Variants in CDH18 observed in about 807,000 individuals in gnomAD.
CDH18 encodes the protein cadherin-18.
In CDH18, 31 loss-of-function variants were observed where a neutral mutation model predicts 67.9. The ratio of observed to expected loss-of-function variants is 0.46; its 90% CI spans 0.34 to 0.62. The LOEUF (loss-of-function observed/expected upper bound fraction) is 0.62. Ranked by LOEUF, CDH18 falls within the 20% of genes least tolerant of loss-of-function variation. The pLI is 0.01. For missense variants in CDH18, 890 were observed against 975.5 expected (o/e 0.91, Z 1.17); for synonymous variants, 362 against 347.2 (o/e 1.04, Z -0.48).
rs183242912 is a variant in CDH18, at chr5:19,700,574, T to C, written c.643+20773A>G. Among the ~76,000 whole-genome samples the C allele has an allele frequency of 1.7e-3, 255 of 152,310 alleles. 1 individual carries two copies. The highest frequency in any genetic ancestry group is 5.9e-3 in the African/African-American group (247 of 41,570). Reference sequence around the variant, plus strand: ...ACAGTTTCTATACAGAGAAGGATTGTGAGCAGAAAGCACTCTCTTTTAATG... The same window carrying C: ...ACAGTTTCTATACAGAGAAGGATTGCGAGCAGAAAGCACTCTCTTTTAATG... On this transcript the variant is annotated intron_variant, in intron 5 of 12. Transcript: ENST00000382275.
At chr5:19,607,470 AT>A (rs1428034992) in intron 6 of CDH18, among the ~76,000 whole-genome samples, 2 of 151,398 alleles carry the variant, frequency 1.3e-5, no homozygotes, top group African/African-American at 4.8e-5. Flanking sequence ...TATCTACAGT[AT>A]TTTTTAAATA....
At chr5:19,558,089 G>A (rs1403539892) in intron 8 of CDH18, among the ~76,000 whole-genome samples, 2 of 151,936 alleles carry the variant, frequency 1.3e-5, no homozygotes, top group African/African-American at 2.4e-5. Context: ...AAAATTTTTT[G>A]AACTGAATGA....
intron 5 of CDH18, among the ~76,000 whole-genome samples, chr5:19,661,871 C>CAAACTAA (rs1227079975): frequency 6.6e-6 from 1 of 152,028 alleles, no homozygotes; most frequent in Non-Finnish European, 1.5e-5. Flanking sequence ...GTTTGGTCAC[C>CAAACTAA]CATTTAGAAG....
At chr5:19,762,128 C>T (rs977769195) in intron 3 of CDH18, among the ~76,000 whole-genome samples, 2 of 152,140 alleles carry the variant, frequency 1.3e-5, no homozygotes, top group African/African-American at 4.8e-5. Context: ...AGACCTAAAA[C>T]CATAAAAACC....
chr5:19,830,612 T>C (rs988037343), intron 3 of CDH18, among the ~76,000 whole-genome samples: 117 of 152,204 alleles, frequency 7.7e-4, no homozygotes, highest in Non-Finnish European at 4.3e-4. Context: ...TTAGTCATGG[T>C]GGAAATCAGT....
chr5:20,005,210 C>T (rs908527086), intron 2 of CDH18, among the ~76,000 whole-genome samples: 11 of 151,928 alleles, frequency 7.2e-5, no homozygotes, highest in Non-Finnish European at 1.5e-4. Flanking sequence ...AATAAACATC[C>T]GAATGACACT....
At chr5:20,531,336 C>A (rs1009849395) in intron 1 of CDH18, among the ~76,000 whole-genome samples, 1 of 152,064 alleles carries the variant, frequency 6.6e-6, no homozygotes, top group Non-Finnish European at 1.5e-5. Context: ...TATGGCAATT[C>A]TGCAAAGATT....
chr5:20,166,767 T>G (rs1343471377), intron 2 of CDH18, among the ~76,000 whole-genome samples: 1 of 152,148 alleles, frequency 6.6e-6, no homozygotes, highest in Non-Finnish European at 1.5e-5. Context: ...CAGCCTTTTG[T>G]TAACCCTTTC....
At chr5:20,494,892 G>A (rs948704653) in intron 1 of CDH18, among the ~76,000 whole-genome samples, 1 of 152,154 alleles carries the variant, frequency 6.6e-6, no homozygotes, top group Non-Finnish European at 1.5e-5. Flanking sequence ...ATTGTCCACA[G>A]CCCTGGGTCT....
intron 2 of CDH18, among the ~76,000 whole-genome samples, chr5:20,203,883 A>G (rs116557338): frequency 0.011 from 1,693 of 152,138 alleles, 32 homozygotes; most frequent in African/African-American, 0.038. Context: ...AGTAGACAAG[A>G]GTGGAATGGA....
At chr5:20,033,128 T>C (rs1054825040) in intron 2 of CDH18, among the ~76,000 whole-genome samples, 19 of 151,964 alleles carry the variant, frequency 1.3e-4, no homozygotes, top group African/African-American at 4.1e-4. Flanking sequence ...CTGCAATGCA[T>C]GCTTAGTCAG....
In CDH18 at chr5:19,473,032, T is replaced by C. The variant is rs77843093; in HGVS notation, c.*194A>G. Reference sequence around the variant, plus strand: ...CAATAACTTTTTCTTTGTATTGTCTTTTTTTTTTTTTTTTTACTTTCTTCC... The same window carrying C: ...CAATAACTTTTTCTTTGTATTGTCTCTTTTTTTTTTTTTTTACTTTCTTCC... On this transcript the variant is annotated 3_prime_UTR_variant, in exon 13 of 13. Transcript: ENST00000382275. 3 of 101,904 alleles carry C rather than the reference T, an allele frequency of 2.9e-5. No individual in the cohort carries two copies. The highest frequency in any genetic ancestry group is 1.6e-4 in the East Asian group (1 of 6,358). The allele number at this position is 101,904 out of a possible 1,614,324, so 6.3% of individuals were successfully genotyped here.
At chr5:19,961,676 T>C (rs760977043) in intron 2 of CDH18, among the ~76,000 whole-genome samples, 1 of 152,122 alleles carries the variant, frequency 6.6e-6, no homozygotes, top group Non-Finnish European at 1.5e-5. Context: ...TTATAGTGAT[T>C]ACATTACTCA....
At chr5:20,006,253 G>T (rs1186966898) in intron 2 of CDH18, among the ~76,000 whole-genome samples, 1 of 151,782 alleles carries the variant, frequency 6.6e-6, no homozygotes, top group Non-Finnish European at 1.5e-5. Flanking sequence ...AAAGGTTTGG[G>T]AGGAAATAGA....
Position 19,811,081 on chromosome 5 carries a change from AG to A in CDH18, c.228+27677del, listed in dbSNP as rs1333046087. Among the ~76,000 whole-genome samples the A allele has an allele frequency of 5.0e-3, 80 of 16,078 alleles. 2 individuals are homozygous for A. Among genetic ancestry groups the A allele is most frequent in the African/African-American group, 0.024 (78 of 3,296 alleles). 10.5% of individuals were successfully genotyped at this position (16,078 alleles called of 152,430 possible). On this transcript the variant is annotated intron_variant, in intron 3 of 12. Transcript: ENST00000382275. Reference sequence around the variant, plus strand: ...GAAAAGGGAAGGGAGAAAGAGAAAAAGAAAGAAAGAAAGAAAGAAAGAAAGA... The same window carrying A: ...GAAAAGGGAAGGGAGAAAGAGAAAAAAAAGAAAGAAAGAAAGAAAGAAAGA...
At chr5:19,606,848 T>A (rs974499444) in intron 6 of CDH18, among the ~76,000 whole-genome samples, 3 of 151,776 alleles carry the variant, frequency 2.0e-5, no homozygotes, top group Non-Finnish European at 4.4e-5. Flanking sequence ...TTAGTCAGAT[T>A]TTTAAAAAGT....
chr5:20,507,454 A>G (rs922394696), intron 1 of CDH18, among the ~76,000 whole-genome samples: 2 of 152,210 alleles, frequency 1.3e-5, no homozygotes, highest in African/African-American at 2.4e-5. Context: ...AAGATAAGGA[A>G]TTCATAATAA....
At chr5:20,245,760 T>C (rs191795607) in intron 2 of CDH18, among the ~76,000 whole-genome samples, 22 of 152,234 alleles carry the variant, frequency 1.4e-4, no homozygotes, top group Admixed American at 1.2e-3. Context: ...AGAGCACTAT[T>C]GTAGCACAGA....
At chr5:20,374,366 C>CGTTT (rs1414900032) in intron 1 of CDH18, among the ~76,000 whole-genome samples, 8 of 152,250 alleles carry the variant, frequency 5.3e-5, no homozygotes, top group African/African-American at 1.7e-4. Context: ...GTGAATAAAA[C>CGTTT]AGTCAGAATG....
Sources: gnomAD v4.1 joint callset for allele counts (sites outside exome capture counted in the v4.1 genomes callset) on GRCh38, gnomAD v4.1.1 for gene constraint, MANE v1.5 for transcripts, NCBI Gene and HGNC (gene_info 2026-07-23, HGNC 2026-07-21) for gene names.